Variants in RBFOX1 observed in about 807,000 individuals in gnomAD.
RBFOX1 encodes RNA binding protein fox-1 homolog 1.
In RBFOX1, 8 loss-of-function variants were observed where a neutral mutation model predicts 57.7. That is an observed-to-expected ratio of 0.14 (90% CI 0.08 to 0.25). The LOEUF is 0.25. Among genes scored for constraint, RBFOX1 ranks in the 10% least tolerant of loss-of-function variants. The pLI is 1.00. For synonymous variants in RBFOX1, 326 were observed against 222.4 expected (o/e 1.47, Z -4.15); for missense variants, 611 against 548.5 (o/e 1.11, Z -1.14).
intron 1 of RBFOX1, among the ~76,000 whole-genome samples, chr16:5,420,727 G>C (rs1313329472): frequency 6.6e-6 from 1 of 151,990 alleles, no homozygotes; most frequent in African/African-American, 2.4e-5. Flanking sequence ...GTAGAGATGG[G>C]GTTTCACCAT....
At chr16:6,499,866 C>G (rs1047438351) in intron 2 of RBFOX1, among the ~76,000 whole-genome samples, 2 of 152,114 alleles carry the variant, frequency 1.3e-5, no homozygotes, top group Non-Finnish European at 2.9e-5. Context: ...AAGTTGTCAC[C>G]TGCTTAGATT....
rs568724759 is a variant in RBFOX1, at chr16:7,347,167, G to A, written c.28-170980G>A. ...GACACATTTTTTGGTTGTCGTAAGTGGATGGGGGTTGCTGCTATCATCCTA... is the reference window on the plus strand; with the variant it reads ...GACACATTTTTTGGTTGTCGTAAGTAGATGGGGGTTGCTGCTATCATCCTA... On this transcript the variant is annotated intron_variant, in intron 4 of 15. Transcript: ENST00000550418. Among the ~76,000 whole-genome samples, 9 of 152,236 alleles carry A rather than the reference G, an allele frequency of 5.9e-5. No individual in the cohort carries two copies. The South Asian group carries it at 1.7e-3, about 28-fold the overall frequency.
At chr16:6,309,936 G>A (rs1051213989) in intron 1 of RBFOX1, among the ~76,000 whole-genome samples, 2 of 152,210 alleles carry the variant, frequency 1.3e-5, no homozygotes, top group Admixed American at 6.5e-5. Context: ...TCGCTGTGTC[G>A]CCCAGGCTGG....
At chr16:5,358,560 G>T (rs1567382560) in intron 1 of RBFOX1, among the ~76,000 whole-genome samples, 1 of 152,064 alleles carries the variant, frequency 6.6e-6, no homozygotes, top group Non-Finnish European at 1.5e-5. Context: ...ACTTAAAAAT[G>T]CACCTGTAAT....
intron 3 of RBFOX1, among the ~76,000 whole-genome samples, chr16:6,687,296 G>A (rs775763873): frequency 9.9e-5 from 15 of 152,054 alleles, no homozygotes; most frequent in Non-Finnish European, 1.8e-4. Flanking sequence ...GGGGGAGGTT[G>A]GGAGGAGAAT....
intron 4 of RBFOX1, among the ~76,000 whole-genome samples, chr16:7,459,214 G>A (rs945546404): frequency 4.6e-5 from 7 of 152,116 alleles, no homozygotes; most frequent in Non-Finnish European, 7.4e-5. Context: ...TTGGCCTTGG[G>A]TTTTAACATC....
At chr16:7,352,832 C>T (rs1161334314) in intron 4 of RBFOX1, among the ~76,000 whole-genome samples, 1 of 152,174 alleles carries the variant, frequency 6.6e-6, no homozygotes, top group African/African-American at 2.4e-5. Flanking sequence ...CCTCCCACCT[C>T]AACCTCCCAA....
intron 3 of RBFOX1, among the ~76,000 whole-genome samples, chr16:5,746,483 T>A (rs2052986888): frequency 6.6e-6 from 1 of 152,206 alleles, no homozygotes; most frequent in Non-Finnish European, 1.5e-5. Flanking sequence ...AAGAAAGTCA[T>A]TGGTAGCTTG....
intron 4 of RBFOX1, among the ~76,000 whole-genome samples, chr16:7,193,608 G>T (rs926265681): frequency 1.3e-5 from 2 of 152,166 alleles, no homozygotes; most frequent in African/African-American, 4.8e-5. Context: ...CAATGAGGCA[G>T]GTACTACATT....
In RBFOX1 at chr16:5,556,866, A is replaced by T. The variant is rs1597512042; in HGVS notation, c.259-42036A>T. 2.0e-5 allele frequency among the ~76,000 whole-genome samples: 3 copies of T among 152,340 alleles called. No individual in the cohort carries two copies. The South Asian group carries it at 6.2e-4, about 32-fold the overall frequency. On this transcript the variant is annotated intron_variant, in intron 2 of 2. Coordinates refer to the RBFOX1 transcript ENST00000585867. ...TATTACTTCCCTGTCATTGACACAC[A>T]GTTTATATGTCCATTTTATAGGCTC...
At chr16:6,175,220 G>T (rs532783337) in intron 1 of RBFOX1, among the ~76,000 whole-genome samples, 1 of 152,124 alleles carries the variant, frequency 6.6e-6, no homozygotes, top group Non-Finnish European at 1.5e-5. Context: ...TATGAAAAAA[G>T]GTAGCCATGA....
intron 3 of RBFOX1, among the ~76,000 whole-genome samples, chr16:6,740,939 G>A (rs1038534671): frequency 6.6e-6 from 1 of 152,118 alleles, no homozygotes; most frequent in African/African-American, 2.4e-5. Context: ...TAAGAATCAG[G>A]TGGGACAAAC....
At chr16:5,863,257 G>A (rs147080433) in intron 3 of RBFOX1, among the ~76,000 whole-genome samples, 7 of 152,334 alleles carry the variant, frequency 4.6e-5, no homozygotes, top group Non-Finnish European at 1.0e-4. Context: ...TGATTAAAGG[G>A]ATGGGAAATA....
chr16:6,662,305 A>C (rs897666737), intron 3 of RBFOX1, among the ~76,000 whole-genome samples: 1 of 152,164 alleles, frequency 6.6e-6, no homozygotes, highest in African/African-American at 2.4e-5. Flanking sequence ...CAAGTCTGTG[A>C]GATGATGGAT....
At chr16:5,402,093 A>C (rs539640205) in intron 1 of RBFOX1, among the ~76,000 whole-genome samples, 48 of 152,092 alleles carry the variant, frequency 3.2e-4, no homozygotes, top group Non-Finnish European at 5.0e-4. Context: ...GCTAAGAACA[A>C]GGGGGCATTT....
intron 4 of RBFOX1, among the ~76,000 whole-genome samples, chr16:7,245,148 C>T (rs1261561300): frequency 6.6e-6 from 1 of 152,112 alleles, no homozygotes; most frequent in African/African-American, 2.4e-5. Flanking sequence ...TTATTGATAA[C>T]ATAGAACAGT....
intron 2 of RBFOX1, among the ~76,000 whole-genome samples, chr16:6,532,386 C>T (rs1454695820): frequency 6.6e-6 from 1 of 152,102 alleles, no homozygotes; most frequent in Non-Finnish European, 1.5e-5. Flanking sequence ...CAGAGCTGCC[C>T]TAGGCTGTAC....
At chr16:6,769,266 G>A (rs1407442288) in intron 3 of RBFOX1, among the ~76,000 whole-genome samples, 1 of 152,180 alleles carries the variant, frequency 6.6e-6, no homozygotes, top group Non-Finnish European at 1.5e-5. Flanking sequence ...GATGTAAGAT[G>A]AGACTTGCTC....
intron 3 of RBFOX1, among the ~76,000 whole-genome samples, chr16:6,795,460 G>T (rs1193964298): frequency 6.6e-6 from 1 of 152,038 alleles, no homozygotes; most frequent in African/African-American, 2.4e-5. Flanking sequence ...TTTATCAAAT[G>T]TTGATGCTTA....
Sources: allele counts gnomAD v4.1 joint callset (sites outside exome capture counted in the v4.1 genomes callset), GRCh38; gene constraint gnomAD v4.1.1; transcripts MANE v1.5; gene names NCBI Gene and HGNC (gene_info 2026-07-23, HGNC 2026-07-21).